Variants in BMP7 observed in about 807,000 individuals in gnomAD.
BMP7 encodes the protein osteogenic protein 1.
BMP7 carries 12 observed loss-of-function variants against 41.2 expected under a neutral mutation model. The ratio of observed to expected loss-of-function variants is 0.29; its 90% CI spans 0.19 to 0.47. BMP7 has a LOEUF of 0.47. Ranked by LOEUF, BMP7 falls within the 20% of genes least tolerant of loss-of-function variation. The probability of loss-of-function intolerance (pLI) is 0.99; values close to 1 mark genes in which losing one functional copy is unlikely to be tolerated. For missense variants in BMP7, 467 were observed against 606.0 expected (o/e 0.77, Z 2.41); for synonymous variants, 248 against 250.0 (o/e 0.99, Z 0.07).
Position 57,266,141 on chromosome 20 carries a change from T to C in BMP7, c.-19A>G. On this transcript the variant is annotated 5_prime_UTR_variant, in exon 1 of 7. Coordinates refer to ENST00000395863, the MANE Select transcript of BMP7 (RefSeq NM_001719.3). Reference sequence around the variant, plus strand: ...CGTGCATCGCGCCGGCTCTACGCGCTACCCGGGCTCCGGGCTCCGGGCCCG... The same window carrying C: ...CGTGCATCGCGCCGGCTCTACGCGCCACCCGGGCTCCGGGCTCCGGGCCCG... The C allele has an allele frequency of 6.6e-7, 1 of 1,516,516 alleles. No homozygotes were observed. The highest frequency in any genetic ancestry group is 1.2e-5 in the South Asian group (1 of 81,712). 93.9% of individuals were successfully genotyped at this position (1,516,516 alleles called of 1,614,324 possible).
intron 2 of BMP7, among the ~76,000 whole-genome samples, chr20:57,219,628 C>T (rs563318868): frequency 5.3e-5 from 8 of 152,260 alleles, no homozygotes; most frequent in Middle Eastern, 3.4e-3. Context: ...TGCGGAGGCT[C>T]GGAAACCGAA....
rs561481256 is a variant in BMP7 at position 57,206,675 on chromosome 20, T to G, written c.612-4052A>C. On this transcript the variant is annotated intron_variant, in intron 2 of 6. Transcript: ENST00000395863. ...ATTCCCGTGTCTTGGTTTCCTCTTA[T>G]GTAAAATGAGAATAATGCCATCTTC... 2.0e-5 allele frequency among the ~76,000 whole-genome samples: 3 copies of G among 152,342 alleles called. No homozygotes were observed. The South Asian group carries it at 6.2e-4, about 32-fold the overall frequency.
Position 57,214,833 on chromosome 20 carries a change from G to A in BMP7, c.612-12210C>T, listed in dbSNP as rs2123103626. ...TTAAGCTTTTTGTCAGCAAGAACCA[G>A]CCCTATTTTATTCAGCCCTGGAGCG... On this transcript the variant is annotated intron_variant, in intron 2 of 6. Coordinates refer to ENST00000395863, the MANE Select transcript of BMP7 (RefSeq NM_001719.3). This position sits in a 1 kb window ranked among gnomAD's most constrained non-coding sequence, Gnocchi z 4.0. 1 of 152,376 alleles carries A rather than the reference G, an allele frequency of 6.6e-6. No homozygotes were observed. The highest frequency in any genetic ancestry group is 2.4e-5 in the African/African-American group (1 of 41,558). The allele number at this position is 152,376 out of a possible 1,614,324, so 9.4% of individuals were successfully genotyped here.
intron 1 of BMP7, among the ~76,000 whole-genome samples, chr20:57,232,186 T>A (rs1254748191): frequency 6.6e-6 from 1 of 152,200 alleles, no homozygotes; most frequent in African/African-American, 2.4e-5. Context: ...CCAATCTACT[T>A]AATCCCTGTG....
chr20:57,203,195 C>T (rs1189516677), intron 2 of BMP7, among the ~76,000 whole-genome samples: 1 of 152,122 alleles, frequency 6.6e-6, no homozygotes, highest in East Asian at 1.9e-4. Context: ...TCTTCATTTC[C>T]AGGACGTGCA....
rs930415043 is a variant in BMP7 at position 57,214,156 on chromosome 20, C to T, written c.612-11533G>A. On this transcript the variant is annotated intron_variant, in intron 2 of 6. Transcript: ENST00000395863. This position sits in a 1 kb window ranked among gnomAD's most constrained non-coding sequence, Gnocchi z 4.0. ...CCCTCTCACAGGTGGGAGACTGAGG[C>T]TCAGAGATATGCAGGTAGTGAATGG... 1.3e-5 allele frequency among the ~76,000 whole-genome samples: 2 copies of T among 152,178 alleles called. No individual in the cohort carries two copies. The highest frequency in any genetic ancestry group is 6.5e-5 in the Admixed American group (1 of 15,286).
At position 57,215,884 on chromosome 20, in the gene BMP7, T is replaced by C. The variant is rs1477673881; in HGVS notation, c.611+12345A>G. 2 of 143,802 alleles carry C rather than the reference T, an allele frequency of 1.4e-5. No individual in the cohort carries two copies. Among genetic ancestry groups the C allele is most frequent in the African/African-American group, 5.0e-5 (2 of 40,136 alleles). The allele number at this position is 143,802 out of a possible 1,614,324, so 8.9% of individuals were successfully genotyped here. ...CAAATACAGTCTTCGGGCTGGGTCATCTTTCCAACCTCATTTTTTTTTTTT... is the reference window on the plus strand; with the variant it reads ...CAAATACAGTCTTCGGGCTGGGTCACCTTTCCAACCTCATTTTTTTTTTTT... On this transcript the variant is annotated intron_variant, in intron 2 of 6. Transcript: ENST00000395863. The surrounding 1 kb of genome is among the most constrained non-coding windows in gnomAD (Gnocchi z 4.2).
At chr20:57,218,687 GTGTTTGGTGGTAGCTGGGTT>G in intron 2 of BMP7, among the ~76,000 whole-genome samples, 1 of 149,074 alleles carries the variant, frequency 6.7e-6, no homozygotes, top group African/African-American at 2.5e-5. Context: ...GTGATAGCTG[GTGTTTGGTGGTAGCTGGGTT>G]TGTTTGGTGG....
chr20:57,201,021 G>A (rs1399129074), intron 3 of BMP7, among the ~76,000 whole-genome samples: 1 of 152,138 alleles, frequency 6.6e-6, no homozygotes, highest in Non-Finnish European at 1.5e-5. Flanking sequence ...ATTACAGTTA[G>A]GTCCTGTTCT....
chr20:57,192,319 CA>C (rs1984387391), intron 3 of BMP7, among the ~76,000 whole-genome samples: 1 of 134,938 alleles, frequency 7.4e-6, no homozygotes, highest in Non-Finnish European at 1.6e-5. Context: ...ATATAGAAGA[CA>C]TATTAATATA....
At chr20:57,207,799 A>G (rs983317244) in intron 2 of BMP7, among the ~76,000 whole-genome samples, 2 of 147,494 alleles carry the variant, frequency 1.4e-5, no homozygotes, top group African/African-American at 5.1e-5. Flanking sequence ...TCCCATCCCC[A>G]TACCCCAGTT....
At chr20:57,254,169 T>C (rs188285992) in intron 1 of BMP7, among the ~76,000 whole-genome samples, 502 of 151,844 alleles carry the variant, frequency 3.3e-3, no homozygotes, top group Middle Eastern at 6.8e-3. Flanking sequence ...ACTAAAGGTG[T>C]GTACCACCAC....
intron 3 of BMP7, among the ~76,000 whole-genome samples, chr20:57,190,120 A>G (rs6070019): frequency 0.52 from 78,124 of 151,412 alleles, 20,337 homozygotes; most frequent in Middle Eastern, 0.59. Context: ...AGAGGTTGAG[A>G]CTGGAGATAG....
Position 57,213,785 on chromosome 20 carries a change from T to C in BMP7, c.612-11162A>G, listed in dbSNP as rs1163182795. 2.0e-5 allele frequency among the ~76,000 whole-genome samples: 3 copies of C among 152,110 alleles called. No homozygotes were observed. Among genetic ancestry groups the C allele is most frequent in the African/African-American group, 7.2e-5 (3 of 41,480 alleles). On this transcript the variant is annotated intron_variant, in intron 2 of 6. Coordinates refer to ENST00000395863, the MANE Select transcript of BMP7 (RefSeq NM_001719.3). The surrounding 1 kb of genome is among the most constrained non-coding windows in gnomAD (Gnocchi z 4.4). ...GCTCCAGGCTCTGAGTTGAGGAAAA[T>C]TGGAGTTAAATTTCAGTGAAGTAAC...
chr20:57,179,295 GAGC>G, intron 4 of BMP7, among the ~76,000 whole-genome samples: 1 of 152,352 alleles, frequency 6.6e-6, no homozygotes, highest in Non-Finnish European at 1.5e-5. Flanking sequence ...AACAGAAAGT[GAGC>G]AGGAGACAGC....
At position 57,266,153 on chromosome 20, in the gene BMP7, G is replaced by C. The variant is rs975941030; in HGVS notation, c.-31C>G. 13 of 1,502,602 alleles carry C rather than the reference G, an allele frequency of 8.7e-6. No individual in the cohort carries two copies. The highest frequency in any genetic ancestry group is 2.2e-4 in the Middle Eastern group (1 of 4,488). 93.1% of individuals were successfully genotyped at this position (1,502,602 alleles called of 1,614,324 possible). Reference sequence around the variant, plus strand: ...CGGCTCTACGCGCTACCCGGGCTCCGGGCTCCGGGCCCGCACCGCCCCAGG... The same window carrying C: ...CGGCTCTACGCGCTACCCGGGCTCCCGGCTCCGGGCCCGCACCGCCCCAGG... On this transcript the variant is annotated 5_prime_UTR_variant, in exon 1 of 7. Transcript: ENST00000395863.
intron 2 of BMP7, among the ~76,000 whole-genome samples, chr20:57,216,487 GGC>G (rs1266231902): frequency 5.3e-5 from 8 of 151,898 alleles, no homozygotes; most frequent in African/African-American, 1.7e-4. Context: ...TGAGGACGAG[GGC>G]GCTGTCTCCT....
chr20:57,199,985 C>T (rs575577309), intron 3 of BMP7, among the ~76,000 whole-genome samples: 1 of 152,320 alleles, frequency 6.6e-6, no homozygotes, highest in East Asian at 1.9e-4. Flanking sequence ...TAGCAACCTG[C>T]AGCCACTAGG....
At position 57,265,947 on chromosome 20, in the gene BMP7, A is replaced by G; in HGVS notation, c.176T>C (p.Leu59Pro). 6.4e-7 allele frequency: 1 copy of G among 1,553,012 alleles called. No homozygotes were observed. ...GCGGTGGGGCAAGCCCAAAATGGAG[A>G]GGATCTCGCGCTGCATCTCCCGCCG... ...QERREMQREILSILGLPHRPR... is the reference protein window; with the variant it reads ...QERREMQREIPSILGLPHRPR... Residue 59 changes from leucine (L) to proline (P), a missense_variant, in exon 1 of 7, where the codon CTC becomes CCC. Transcript: ENST00000395863.
Sources: gnomAD v4.1 joint callset for allele counts (sites outside exome capture counted in the v4.1 genomes callset) on GRCh38, gnomAD v4.1.1 for gene constraint, Gnocchi (gnomAD v3.1) non-coding constraint, MANE v1.5 for transcripts, NCBI Gene and HGNC (gene_info 2026-07-23, HGNC 2026-07-21) for gene names.